Variants in MYOM3 observed in about 807,000 individuals in gnomAD.
The protein encoded by MYOM3 is myomesin-3.
A neutral mutation model predicts 191.7 loss-of-function variants in MYOM3; 155 were observed. The observed-to-expected ratio is 0.81, with a 90% CI of 0.71 to 0.92. The LOEUF is 0.92. Ranked by LOEUF, MYOM3 falls within the 40% of genes least tolerant of loss-of-function variation. The pLI is 0.00. For synonymous variants in MYOM3, 757 were observed against 762.9 expected, an observed-to-expected ratio of 0.99 and a Z score of 0.13; for missense variants, 1,889 against 1,890.6, an observed-to-expected ratio of 1.00 and a Z score of 0.02.
rs1202614027 is a variant in MYOM3, at chr1:24,068,232, C to G, written c.3286G>C (p.Val1096Leu). The G allele has an allele frequency of 6.8e-6, 11 of 1,611,276 alleles. No homozygotes were observed. Among genetic ancestry groups the G allele is most frequent in the Non-Finnish European group, 9.3e-6 (11 of 1,179,966 alleles). The change falls in exon 26 of 37, where the codon GTG becomes CTG. Residue 1096 changes from valine (V) to leucine (L), a missense_variant. Physicochemically the swap from Val to Leu is conservative, Grantham distance 32 (BLOSUM62 1). Coordinates refer to ENST00000374434, the MANE Select transcript of MYOM3 (RefSeq NM_152372.4). ...KAKNQITLTL[V>L]DDDFDKLLRK... ...GCTGGGCATGGCTGACCGTCATCCA[C>G]CAGTGTCAAGGTAATCTGGTTTTTG...
At chr1:24,078,397 A>G (rs918934921) in intron 20 of MYOM3, among the ~76,000 whole-genome samples, 2 of 152,176 alleles carry the variant, frequency 1.3e-5, no homozygotes, top group South Asian at 2.1e-4. Flanking sequence ...GATTACAGGC[A>G]TGAGACCCGC....
At chr1:24,061,427 C>T (rs1176494346) in intron 33 of MYOM3, 118 bp from the exon 34 acceptor site, 8 of 1,025,194 alleles carry the variant, frequency 7.8e-6, no homozygotes, top group African/African-American at 1.6e-5. Context: ...CCTCCCCATG[C>T]CGATGTTTCT....
intron 16 of MYOM3, chr1:24,083,559 C>T (rs1370310632): frequency 6.6e-6 from 1 of 152,224 alleles, no homozygotes; most frequent in Non-Finnish European, 1.5e-5. Context: ...ACTCCCTTTC[C>T]TATATACATC....
At position 24,094,946 on chromosome 1, in the gene MYOM3, G is replaced by C; in HGVS notation, c.835C>G (p.Pro279Ala). 1 of 1,614,094 alleles carries C rather than the reference G, an allele frequency of 6.2e-7. No individual in the cohort carries two copies. The highest frequency in any genetic ancestry group is 1.6e-4 in the Middle Eastern group (1 of 6,062). Reference protein sequence around the residue: ...PSVEFTSVLKPVFAREKEPFS... With the variant: ...PSVEFTSVLKAVFAREKEPFS... ...GGTTCCTTCTCACGAGCAAAGACTGGCTTCAGCACCGAGGTGAATTCCACG... is the reference window on the plus strand; with the variant it reads ...GGTTCCTTCTCACGAGCAAAGACTGCCTTCAGCACCGAGGTGAATTCCACG... Residue 279 changes from proline to alanine, a missense_variant, in exon 9 of 37, where the codon CCA becomes GCA. By Grantham distance (27) the Pro-to-Ala change is conservative (BLOSUM62 -1). Transcript: ENST00000374434.
At chr1:24,088,409 A>T (rs75441773) in intron 14 of MYOM3, among the ~76,000 whole-genome samples, 1,830 of 152,296 alleles carry the variant, frequency 0.012, 38 homozygotes, top group African/African-American at 0.042. Context: ...CAAGCTGTGT[A>T]TGATTATTAT....
At position 24,075,437 on chromosome 1, in the gene MYOM3, A is replaced by G. The variant is rs930465808; in HGVS notation, c.2740T>C (p.Phe914Leu). The G allele has an allele frequency of 5.0e-5, 80 of 1,603,372 alleles. No homozygotes were observed. Among genetic ancestry groups the G allele is most frequent in the Non-Finnish European group, 6.7e-5 (79 of 1,176,394 alleles). Reference sequence around the variant, plus strand: ...GGGGCTTCAAAAGCCAAATAGATAAAGCCCTCTTCATCCACACCAACCTCG... The same window carrying G: ...GGGGCTTCAAAAGCCAAATAGATAAGGCCCTCTTCATCCACACCAACCTCG... ...EIEVGVDEEG[F>L]IYLAFEAPEA... The change falls in exon 22 of 37, where the codon TTT (phenylalanine) becomes CTT (leucine). Residue 914 changes from phenylalanine (F) to leucine (L), a missense_variant. Coordinates refer to ENST00000374434, the MANE Select transcript of MYOM3 (RefSeq NM_152372.4).
At position 24,080,068 on chromosome 1, in the gene MYOM3, G is replaced by T; in HGVS notation, c.2534C>A (p.Ser845Tyr). 1 of 1,614,096 alleles carries T rather than the reference G, an allele frequency of 6.2e-7. No homozygotes were observed. The highest frequency in any genetic ancestry group is 8.5e-7 in the Non-Finnish European group (1 of 1,180,002). The change falls in exon 20 of 37, where the codon TCT becomes TAT. Residue 845 changes from serine to tyrosine, a missense_variant. Transcript: ENST00000374434. ...TGGGGTGACCGGCTTCCACTGCTCA[G>T]AGCCTTCCTCCTGGAAACTGACGTG... ...GYHVSFQEEG[S>Y]EQWKPVTPGP...
At chr1:24,059,569 T>C (rs901267370) in intron 35 of MYOM3, among the ~76,000 whole-genome samples, 1 of 152,222 alleles carries the variant, frequency 6.6e-6, no homozygotes, top group Non-Finnish European at 1.5e-5. Context: ...GACCATGAGA[T>C]GCTCCTGCCC....
chr1:24,090,716 C>T, intron 12 of MYOM3, 81 bp downstream of exon 12: 2 of 1,437,820 alleles, frequency 1.4e-6, no homozygotes, highest in Non-Finnish European at 9.7e-7. Flanking sequence ...CTCCTGAGGG[C>T]TGGATTGTCT....
chr1:24,109,171 C>T (rs796168877), intron 1 of MYOM3, among the ~76,000 whole-genome samples: 37 of 152,302 alleles, frequency 2.4e-4, no homozygotes, highest in African/African-American at 8.9e-4. Flanking sequence ...CCTCCTGGCC[C>T]GCTTGGCTCT....
At chr1:24,099,540 C>T (rs1387269821) in intron 6 of MYOM3, 140 bp downstream of exon 6, 21 of 648,940 alleles carry the variant, frequency 3.2e-5, no homozygotes, top group Non-Finnish European at 5.6e-5. Flanking sequence ...TCCCAGGAAT[C>T]GGTATTTTGA....
chr1:24,077,373 T>C (rs1643615228), intron 20 of MYOM3, among the ~76,000 whole-genome samples: 1 of 152,208 alleles, frequency 6.6e-6, no homozygotes, highest in Non-Finnish European at 1.5e-5. Context: ...CCTTAGCCTG[T>C]TGTCCTCTTG....
chr1:24,108,748 G>T, intron 1 of MYOM3, 94 bp from the exon 2 acceptor site: 1 of 890,514 alleles, frequency 1.1e-6, no homozygotes, highest in South Asian at 1.9e-5. Context: ...TGGCAGGATG[G>T]GGGGTGGGGG....
Position 24,111,269 on chromosome 1 carries a change from C to T in MYOM3, c.-19+762G>A, listed in dbSNP as rs1004690929. 3.3e-5 allele frequency among the ~76,000 whole-genome samples: 5 copies of T among 152,346 alleles called. No individual in the cohort carries two copies. The highest frequency in any genetic ancestry group is 3.4e-3 in the Middle Eastern group (1 of 294). The stretch of plus-strand genomic sequence containing the variant: ...CCCACTGCGTGGCCTTCCCTATTCC[C>T]CTCTGCTTTCCTCCCAAGCCTCCAT... On this transcript the variant is annotated intron_variant, in intron 1 of 36. Coordinates refer to ENST00000374434, the MANE Select transcript of MYOM3 (RefSeq NM_152372.4). This position sits in a 1 kb window ranked among gnomAD's most constrained non-coding sequence, Gnocchi z 4.7.
chr1:24,073,627 G>A (rs964699900), intron 23 of MYOM3, among the ~76,000 whole-genome samples: 6 of 152,158 alleles, frequency 3.9e-5, no homozygotes, highest in Non-Finnish European at 7.4e-5. Context: ...CACTTTGGGA[G>A]GCTGAGGTGG....
intron 34 of MYOM3, 95 bp from the exon 35 acceptor site, chr1:24,061,177 G>C: frequency 6.2e-7 from 1 of 1,604,122 alleles, no homozygotes; most frequent in Non-Finnish European, 8.5e-7. Flanking sequence ...GAAAGGTGGA[G>C]CTGGCTGGGG....
chr1:24,076,114 G>T, intron 21 of MYOM3, 45 bp downstream of exon 21: 2 of 1,478,046 alleles, frequency 1.4e-6, no homozygotes, highest in South Asian at 2.3e-5. Context: ...CGTCCCCAGT[G>T]GCGTAGCCCA....
intron 12 of MYOM3, 24 bp from the exon 13 acceptor site, chr1:24,090,142 A>C: frequency 7.8e-7 from 1 of 1,288,960 alleles, no homozygotes; most frequent in Non-Finnish European, 1.1e-6. Context: ...GGAGCATGGG[A>C]GGGTGGGGGG....
Position 24,068,242 on chromosome 1 carries a change from G to C in MYOM3, c.3276C>G (p.Thr1092=). The change falls in exon 26 of 37, where the codon ACC becomes ACG. Residue 1092 remains threonine (T), a synonymous_variant. Coordinates refer to ENST00000374434, the MANE Select transcript of MYOM3 (RefSeq NM_152372.4). ...LQDGKAKNQI[T]LTLVDDDFDK... is the part of the protein sequence containing the mutation. The stretch of plus-strand genomic sequence containing the variant: ...GCTGACCGTCATCCACCAGTGTCAA[G>C]GTAATCTGGTTTTTGGCTTTTCCAT... 1.2e-6 allele frequency: 2 copies of C among 1,613,774 alleles called. No individual in the cohort carries two copies. Among genetic ancestry groups the C allele is most frequent in the Non-Finnish European group, 1.7e-6 (2 of 1,179,988 alleles).
Sources: gnomAD v4.1 joint callset for allele counts (sites outside exome capture counted in the v4.1 genomes callset) on GRCh38, gnomAD v4.1.1 for gene constraint, Gnocchi (gnomAD v3.1) non-coding constraint, MANE v1.5 for transcripts, NCBI Gene and HGNC (gene_info 2026-07-23, HGNC 2026-07-21) for gene names.